Variants in COL11A1 observed in about 807,000 individuals in gnomAD.
COL11A1 encodes the protein collagen type XI alpha 1 chain.
COL11A1 carries 74 observed loss-of-function variants against 265.2 expected under a neutral mutation model. The ratio of observed to expected loss-of-function variants is 0.28; its 90% confidence interval spans 0.23 to 0.34. The LOEUF (loss-of-function observed/expected upper bound fraction) is 0.34. Ranked by LOEUF, COL11A1 falls within the 10% of genes least tolerant of loss-of-function variation. The pLI is 1.00. For synonymous variants in COL11A1, 816 were observed against 727.6 expected (o/e 1.12, Z -1.96); for missense variants, 2,165 against 2,263.6 (o/e 0.96, Z 0.88).
At chr1:103,043,842 G>A (rs1290620183) in intron 4 of COL11A1, among the ~76,000 whole-genome samples, 1 of 151,992 alleles carries the variant, frequency 6.6e-6, no homozygotes, top group Non-Finnish European at 1.5e-5. Flanking sequence ...GAGGAAAAAT[G>A]TAATAGAAAG....
rs1232571216 is a variant in COL11A1 at position 103,020,241 on chromosome 1, C to T, written c.1309-1382G>A. 1.4e-5 allele frequency among the ~76,000 whole-genome samples: 2 copies of T among 146,216 alleles called. 1 individual carries two copies. The highest frequency in any genetic ancestry group is 4.5e-4 in the South Asian group (2 of 4,470). On this transcript the variant is annotated intron_variant, in intron 9 of 66. Coordinates refer to ENST00000370096, the MANE Select transcript of COL11A1 (RefSeq NM_001854.4). ...GTGTTCCTATTTCTCCACATCCTCT[C>T]CAGCACCTGTTGTTTCCTGACTTTT...
chr1:102,911,818 T>G (rs1173599523), intron 54 of COL11A1, among the ~76,000 whole-genome samples: 2 of 152,162 alleles, frequency 1.3e-5, no homozygotes, highest in African/African-American at 4.8e-5. Context: ...ACTGGACTTT[T>G]GACAGCTCAT....
chr1:102,911,283 T>C (rs560550746), intron 54 of COL11A1, among the ~76,000 whole-genome samples: 1 of 152,270 alleles, frequency 6.6e-6, no homozygotes, highest in East Asian at 1.9e-4. Context: ...TTCAAATTTG[T>C]ATTGCTGAGA....
intron 54 of COL11A1, among the ~76,000 whole-genome samples, chr1:102,902,949 C>A (rs927536738): frequency 6.6e-6 from 1 of 151,644 alleles, no homozygotes; most frequent in Non-Finnish European, 1.5e-5. Context: ...GTCATTATAA[C>A]CAGTTAATAA....
At chr1:102,887,693 C>A (rs533355673) in intron 62 of COL11A1, among the ~76,000 whole-genome samples, 1 of 152,226 alleles carries the variant, frequency 6.6e-6, no homozygotes, top group Admixed American at 6.5e-5. Flanking sequence ...TTCTCAGTAT[C>A]TCAGAATGTA....
intron 4 of COL11A1, among the ~76,000 whole-genome samples, chr1:103,065,251 T>A (rs1463458704): frequency 6.6e-6 from 1 of 152,024 alleles, no homozygotes; most frequent in Non-Finnish European, 1.5e-5. Context: ...CCGGGCACGG[T>A]GGCTCACGCC....
chr1:103,026,550 GTAGT>G (rs369033129), intron 5 of COL11A1, among the ~76,000 whole-genome samples: 10 of 152,258 alleles, frequency 6.6e-5, no homozygotes, highest in East Asian at 1.9e-4. Flanking sequence ...GAGCAGAATA[GTAGT>G]TAGTATCACG....
At chr1:102,946,713 C>T (rs968682135) in intron 42 of COL11A1, 136 bp downstream of exon 42, 27 of 726,256 alleles carry the variant, frequency 3.7e-5, no homozygotes, top group African/African-American at 8.9e-5. Flanking sequence ...TATACATATA[C>T]GAGCCAGGGT....
chr1:103,005,780 A>T (rs1016576681), intron 18 of COL11A1, 58 bp downstream of exon 18: 3 of 1,596,678 alleles, frequency 1.9e-6, no homozygotes, highest in Non-Finnish European at 2.6e-6. Flanking sequence ...GCAAATTGTT[A>T]TCAATTCTAA....
intron 4 of COL11A1, among the ~76,000 whole-genome samples, chr1:103,039,803 GA>G (rs897994420): frequency 6.7e-6 from 1 of 150,284 alleles, no homozygotes; most frequent in Non-Finnish European, 1.5e-5. Context: ...CATTTCAATT[GA>G]AAAAAAATAC....
At chr1:103,106,188 A>G (rs754194598) in intron 1 of COL11A1, among the ~76,000 whole-genome samples, 1 of 152,178 alleles carries the variant, frequency 6.6e-6, no homozygotes, top group Non-Finnish European at 1.5e-5. Flanking sequence ...AAATATTCAC[A>G]TATCGCCACA....
intron 13 of COL11A1, among the ~76,000 whole-genome samples, chr1:103,013,853 C>T (rs527708484): frequency 6.6e-6 from 1 of 151,836 alleles, no homozygotes; most frequent in African/African-American, 2.4e-5. Flanking sequence ...CATTTCCTTC[C>T]TGGTCTATCC....
chr1:102,914,950 G>A (rs1337497583), intron 50 of COL11A1, 139 bp from the exon 51 acceptor site: 4 of 709,136 alleles, frequency 5.6e-6, no homozygotes, highest in Non-Finnish European at 9.4e-6. Flanking sequence ...TTGTCACCAA[G>A]TTGGAGTGTA....
chr1:102,943,232 C>A (rs1658914088), intron 42 of COL11A1, among the ~76,000 whole-genome samples: 1 of 152,018 alleles, frequency 6.6e-6, no homozygotes, highest in Non-Finnish European at 1.5e-5. Context: ...AGGTGATTTA[C>A]ATGTCCCTAC....
intron 43 of COL11A1, 135 bp downstream of exon 43, chr1:102,940,192 T>G (rs1658575544): frequency 1.4e-6 from 1 of 730,286 alleles, no homozygotes; most frequent in Non-Finnish European, 2.4e-6. Context: ...TTTGAGCATA[T>G]GAAAATGTGT....
intron 1 of COL11A1, among the ~76,000 whole-genome samples, chr1:103,099,827 T>C (rs1674101827): frequency 6.6e-6 from 1 of 151,796 alleles, no homozygotes; most frequent in African/African-American, 2.4e-5. Context: ...TAGAGGTAAA[T>C]TGAAATTTAT....
At chr1:102,912,848 C>G (rs989893858) in intron 53 of COL11A1, among the ~76,000 whole-genome samples, 2 of 152,194 alleles carry the variant, frequency 1.3e-5, no homozygotes, top group African/African-American at 4.8e-5. Flanking sequence ...ACTCCTCTCT[C>G]CTACTGCCAT....
At chr1:102,923,621 A>T (rs1023261394) in intron 46 of COL11A1, among the ~76,000 whole-genome samples, 3 of 152,074 alleles carry the variant, frequency 2.0e-5, no homozygotes, top group Non-Finnish European at 4.4e-5. Context: ...TATATTGTTT[A>T]TTTTTAGTTA....
rs867453905 is a variant in COL11A1, at chr1:103,014,575, C to T, written c.1508G>A (p.Gly503Asp). ...AGCAGAGATGGTTGGTCCTTTGGAA[C>T]CATCACCACCATAACGGAACTTGGA... The part of the protein sequence containing the change: ...LMLPFRYGGD[G>D]SKGPTISAQE... Residue 503 changes from glycine (G) to aspartate (D), a missense_variant, in exon 13 of 67, where the codon GGT becomes GAT. Transcript: ENST00000370096. 6.2e-7 allele frequency: 1 copy of T among 1,613,544 alleles called. No individual in the cohort carries two copies. Among genetic ancestry groups the T allele is most frequent in the Non-Finnish European group, 8.5e-7 (1 of 1,179,682 alleles).
Sources: gnomAD v4.1 joint callset for allele counts (sites outside exome capture counted in the v4.1 genomes callset) on GRCh38, gnomAD v4.1.1 for gene constraint, MANE v1.5 for transcripts, NCBI Gene and HGNC (gene_info 2026-07-23, HGNC 2026-07-21) for gene names.